BCAR3: variants seen among roughly 807,000 people sequenced by gnomAD.
BCAR3 encodes breast cancer anti-estrogen resistance protein 3.
Under a neutral mutation model 80.1 loss-of-function variants are expected in BCAR3, and 37 were observed. The ratio of observed to expected loss-of-function variants is 0.46; its 90% CI spans 0.36 to 0.61. The LOEUF is 0.61. BCAR3 is among the 20% of genes least tolerant of loss of function. The pLI, the probability that BCAR3 is intolerant of heterozygous loss-of-function variation, is 0.00. For synonymous variants in BCAR3, 389 were observed against 418.9 expected, an observed-to-expected ratio of 0.93 and a Z score of 0.87; for missense variants, 978 against 1,068.2, an observed-to-expected ratio of 0.92 and a Z score of 1.18.
chr1:93,787,557 TTCATTGTTAAC>T (rs1410868203), intron 2 of BCAR3, among the ~76,000 whole-genome samples: 2 of 152,224 alleles, frequency 1.3e-5, no homozygotes, highest in Non-Finnish European at 2.9e-5. Flanking sequence ...CCGTCTTGAT[TTCATTGTTAAC>T]TCAAAGATCA....
intron 2 of BCAR3, among the ~76,000 whole-genome samples, chr1:93,657,950 CTTT>C (rs748626236): frequency 2.2e-5 from 3 of 138,554 alleles, no homozygotes; most frequent in Non-Finnish European, 3.2e-5. Context: ...GTTACTGCTT[CTTT>C]TTTTTTTTTT....
chr1:93,718,966 T>C (rs955134043), intron 2 of BCAR3, among the ~76,000 whole-genome samples: 5 of 152,000 alleles, frequency 3.3e-5, no homozygotes, highest in Admixed American at 6.6e-5. Flanking sequence ...CCTCCCAAAG[T>C]GTTAGGATTA....
At chr1:93,585,089 T>C in intron 5 of BCAR3, 4 of 985,320 alleles carry the variant, frequency 4.1e-6, no homozygotes, top group Non-Finnish European at 4.8e-6. Context: ...AAAGGAAATA[T>C]CTCCCGAGAA....
intron 2 of BCAR3, among the ~76,000 whole-genome samples, chr1:93,819,296 C>T (rs572647974): frequency 6.6e-6 from 1 of 152,322 alleles, no homozygotes; most frequent in Admixed American, 6.5e-5. Context: ...AATCTCCTGA[C>T]CTCGTGATCC....
intron 8 of BCAR3, among the ~76,000 whole-genome samples, chr1:93,573,590 C>A (rs900953838): frequency 1.2e-4 from 18 of 147,542 alleles, no homozygotes; most frequent in Admixed American, 1.1e-3. Context: ...TGAATCCAAA[C>A]ATAGACCTAA....
At chr1:93,703,157 T>C (rs1425801995) in intron 3 of BCAR3, among the ~76,000 whole-genome samples, 2 of 152,222 alleles carry the variant, frequency 1.3e-5, no homozygotes, top group Non-Finnish European at 2.9e-5. Flanking sequence ...CTGCTTATCA[T>C]ATATACTACC....
chr1:93,721,785 T>A (rs1410623134), intron 2 of BCAR3, among the ~76,000 whole-genome samples: 1 of 152,154 alleles, frequency 6.6e-6, no homozygotes, highest in Non-Finnish European at 1.5e-5. Flanking sequence ...TGTGACAAAG[T>A]AGGGGAGGTG....
chr1:93,845,476 A>G (rs1476214193), intron 2 of BCAR3: 49 of 2,474 alleles, frequency 0.02, 4 homozygotes, highest in African/African-American at 0.095. Flanking sequence ...ATATATATAT[A>G]TATATATATA....
At chr1:93,772,846 C>T (rs548423769) in intron 2 of BCAR3, among the ~76,000 whole-genome samples, 4 of 152,232 alleles carry the variant, frequency 2.6e-5, no homozygotes, top group Admixed American at 6.5e-5. Flanking sequence ...CCTCTTGATC[C>T]GCCCACCTCA....
At chr1:93,778,954 G>A (rs2818166) in intron 2 of BCAR3, among the ~76,000 whole-genome samples, 91,552 of 151,966 alleles carry the variant, frequency 0.6, 28,835 homozygotes, top group East Asian at 0.79. Context: ...AAGCTTTGGT[G>A]TGGGGTCATG....
chr1:93,698,287 G>A (rs147340899), intron 3 of BCAR3, among the ~76,000 whole-genome samples: 54 of 152,316 alleles, frequency 3.5e-4, no homozygotes, highest in African/African-American at 1.2e-3. Flanking sequence ...GGGGAAAGGG[G>A]AGCCTATTTC....
intron 2 of BCAR3, among the ~76,000 whole-genome samples, chr1:93,782,652 C>G (rs57767557): frequency 2.7e-4 from 41 of 152,300 alleles, no homozygotes; most frequent in African/African-American, 9.6e-4. Context: ...CCAGGCACCT[C>G]TGGGGTCAGC....
Position 93,805,507 on chromosome 1 carries a change from A to G in BCAR3, c.-63+40060T>C, listed in dbSNP as rs1396194680. 2.0e-5 allele frequency among the ~76,000 whole-genome samples: 3 copies of G among 152,244 alleles called. No homozygotes were observed. The East Asian group carries it at 5.8e-4, about 29-fold the overall frequency. On this transcript the variant is annotated intron_variant, in intron 2 of 13. Transcript: ENST00000370244. ...GACAGTGTGTCTCTGAAGACACTGT[A>G]TAGACTGCCTGTGGAGAACTAGGGC...
At chr1:93,806,207 A>C (rs567817663) in intron 2 of BCAR3, among the ~76,000 whole-genome samples, 22 of 152,312 alleles carry the variant, frequency 1.4e-4, no homozygotes, top group Non-Finnish European at 2.5e-4. Flanking sequence ...GAATGATCTA[A>C]CCATGGACAG....
At chr1:93,828,623 T>C (rs1421851071) in intron 2 of BCAR3, among the ~76,000 whole-genome samples, 1 of 152,182 alleles carries the variant, frequency 6.6e-6, no homozygotes, top group Non-Finnish European at 1.5e-5. Context: ...TTCATCTTCA[T>C]CAAATCTATG....
intron 2 of BCAR3, among the ~76,000 whole-genome samples, chr1:93,715,983 G>T (rs1292796603): frequency 6.6e-6 from 1 of 152,204 alleles, no homozygotes; most frequent in African/African-American, 2.4e-5. Flanking sequence ...TTTACTTTGG[G>T]CCACAAATGT....
chr1:93,824,514 G>T (rs186547505), intron 2 of BCAR3, among the ~76,000 whole-genome samples: 1 of 132,964 alleles, frequency 7.5e-6, no homozygotes, highest in Admixed American at 7.8e-5. Flanking sequence ...ACAGACTACA[G>T]GCCTCCGGTG....
chr1:93,598,056 G>A (rs1297928662), intron 3 of BCAR3, among the ~76,000 whole-genome samples: 1 of 152,234 alleles, frequency 6.6e-6, no homozygotes, highest in African/African-American at 2.4e-5. Context: ...GAGGCACAGA[G>A]CCAGGTCTGC....
intron 3 of BCAR3, among the ~76,000 whole-genome samples, chr1:93,616,331 C>T (rs150155159): frequency 7.9e-5 from 12 of 152,262 alleles, no homozygotes; most frequent in East Asian, 3.9e-4. Flanking sequence ...TCTCCTGAAA[C>T]GGTCAAGGAG....
Sources: gnomAD v4.1 joint callset for allele counts (sites outside exome capture counted in the v4.1 genomes callset) on GRCh38, gnomAD v4.1.1 for gene constraint, MANE v1.5 for transcripts, NCBI Gene and HGNC (gene_info 2026-07-23, HGNC 2026-07-21) for gene names.